LINGO2: variants seen among roughly 807,000 people sequenced by gnomAD.
LINGO2 encodes the protein leucine-rich repeat and immunoglobulin-like domain-containing nogo receptor-interacting protein 2.
Under a neutral mutation model 30.6 loss-of-function variants are expected in LINGO2, and 14 were observed. The observed-to-expected ratio is 0.46, with a 90% confidence interval of 0.30 to 0.72. The LOEUF (loss-of-function observed/expected upper bound fraction) is 0.72. Ranked by LOEUF, LINGO2 falls within the 30% of genes least tolerant of loss-of-function variation. The pLI, the probability that LINGO2 is intolerant of heterozygous loss-of-function variation, is 0.07. For missense variants in LINGO2, 729 were observed against 751.7 expected (o/e 0.97, Z 0.35); for synonymous variants, 317 against 288.5 (o/e 1.10, Z -1.00).
the LINGO2 span, among the ~76,000 whole-genome samples, chr9:28,959,157 T>C: frequency 6.6e-6 from 1 of 152,044 alleles, no homozygotes. Flanking sequence ...TGGTTTGTTG[T>C]ACAGGTTTTG....
At chr9:28,226,885 T>C (rs1051565391) in intron 4 of LINGO2, among the ~76,000 whole-genome samples, 3 of 152,074 alleles carry the variant, frequency 2.0e-5, no homozygotes, top group Non-Finnish European at 2.9e-5. Context: ...TAAAGTGCAA[T>C]TGACCTTAGT....
intron 1 of LINGO2, among the ~76,000 whole-genome samples, chr9:28,650,045 A>T (rs567883627): frequency 6.6e-6 from 1 of 152,106 alleles, no homozygotes; most frequent in East Asian, 1.9e-4. Flanking sequence ...GGAAAAAAAA[A>T]AACAACAACA....
At chr9:28,292,133 C>G (rs926568047) in intron 4 of LINGO2, among the ~76,000 whole-genome samples, 2 of 152,178 alleles carry the variant, frequency 1.3e-5, no homozygotes, top group South Asian at 4.1e-4. Flanking sequence ...TGTGGAAGCA[C>G]TTGTTTGGAT....
At chr9:28,895,990 C>A in the LINGO2 span, among the ~76,000 whole-genome samples, 2 of 151,948 alleles carry the variant, frequency 1.3e-5, no homozygotes, top group African/African-American at 2.4e-5. Flanking sequence ...AAAGCACTAC[C>A]AAAATCACAG....
At chr9:28,749,909 G>A in the LINGO2 span, among the ~76,000 whole-genome samples, 2 of 151,986 alleles carry the variant, frequency 1.3e-5, no homozygotes, top group African/African-American at 2.4e-5. Context: ...ATTGCTAAAA[G>A]GGCTCACATA....
intron 1 of LINGO2, among the ~76,000 whole-genome samples, chr9:28,493,869 G>C (rs886929741): frequency 7.2e-5 from 11 of 152,112 alleles, no homozygotes; most frequent in African/African-American, 2.7e-4. Flanking sequence ...CCTTTCTCCA[G>C]TGCTGGAAGC....
At chr9:28,418,574 G>C (rs1280270873) in intron 2 of LINGO2, among the ~76,000 whole-genome samples, 1 of 152,074 alleles carries the variant, frequency 6.6e-6, no homozygotes, top group Non-Finnish European at 1.5e-5. Flanking sequence ...ACCGTGCCCA[G>C]ACGGCAATTT....
At chr9:28,287,358 T>C (rs747383232) in intron 4 of LINGO2, among the ~76,000 whole-genome samples, 5 of 152,250 alleles carry the variant, frequency 3.3e-5, no homozygotes, top group Non-Finnish European at 7.3e-5. Flanking sequence ...TAGAGGATTA[T>C]ATCAAATAAA....
chr9:28,561,140 A>G (rs1338187518), intron 1 of LINGO2, among the ~76,000 whole-genome samples: 2 of 151,980 alleles, frequency 1.3e-5, no homozygotes, highest in Middle Eastern at 3.2e-3. Context: ...CAGTACCCTT[A>G]TGTTTTTGTA....
At chr9:29,052,957 T>C in the LINGO2 span, among the ~76,000 whole-genome samples, 1 of 152,162 alleles carries the variant, frequency 6.6e-6, no homozygotes, top group Non-Finnish European at 1.5e-5. Flanking sequence ...GCTTGTTTTT[T>C]TTGAAATCCA....
chr9:28,452,250 G>T (rs1278982305), intron 2 of LINGO2, among the ~76,000 whole-genome samples: 2 of 150,634 alleles, frequency 1.3e-5, no homozygotes, highest in Non-Finnish European at 3.0e-5. Context: ...TGAGTGCACA[G>T]TCCCTGATCT....
At chr9:28,928,448 TTGAACTG>T in the LINGO2 span, among the ~76,000 whole-genome samples, 5 of 152,158 alleles carry the variant, frequency 3.3e-5, no homozygotes, top group Non-Finnish European at 7.4e-5. Flanking sequence ...CAACATGAGT[TTGAACTG>T]TGTAGGTCCA....
At chr9:28,539,212 C>A (rs893175340) in intron 1 of LINGO2, among the ~76,000 whole-genome samples, 24 of 151,826 alleles carry the variant, frequency 1.6e-4, no homozygotes, top group African/African-American at 4.6e-4. Flanking sequence ...TTTAAGTAAA[C>A]TACATTATTT....
the LINGO2 span, among the ~76,000 whole-genome samples, chr9:29,166,232 T>A: frequency 6.6e-6 from 1 of 152,132 alleles, no homozygotes; most frequent in Non-Finnish European, 1.5e-5. Flanking sequence ...TCTCCTCTTC[T>A]CAAAAAATTC....
the LINGO2 span, among the ~76,000 whole-genome samples, chr9:28,962,629 A>C: frequency 1.6e-4 from 24 of 151,920 alleles, no homozygotes; most frequent in Non-Finnish European, 2.8e-4. Flanking sequence ...ATTAACTGTA[A>C]AAGTTAAAGG....
chr9:28,117,019 G>T (rs1826927383), intron 4 of LINGO2, among the ~76,000 whole-genome samples: 1 of 83,692 alleles, frequency 1.2e-5, no homozygotes, highest in East Asian at 3.9e-4. Flanking sequence ...TTTCTGTTCT[G>T]TTTTTTCCCC....
At chr9:28,295,638 C>G (rs1221802152) in intron 3 of LINGO2, among the ~76,000 whole-genome samples, 1 of 152,126 alleles carries the variant, frequency 6.6e-6, no homozygotes, top group Admixed American at 6.6e-5. Context: ...TATTAAAACT[C>G]ACACATCCTA....
intron 3 of LINGO2, among the ~76,000 whole-genome samples, chr9:28,306,779 C>T (rs1824378612): frequency 6.6e-6 from 1 of 152,056 alleles, no homozygotes; most frequent in Admixed American, 6.6e-5. Context: ...TACAAACTAC[C>T]ATCAGAGAAT....
intron 3 of LINGO2, among the ~76,000 whole-genome samples, chr9:28,332,457 T>C (rs796714247): frequency 2.6e-5 from 4 of 152,170 alleles, no homozygotes; most frequent in African/African-American, 9.6e-5. Context: ...GAAAAAGACA[T>C]GGTCTTAATA....
Sources: gnomAD v4.1 joint callset for allele counts (sites outside exome capture counted in the v4.1 genomes callset) on GRCh38, gnomAD v4.1.1 for gene constraint, MANE v1.5 for transcripts, NCBI Gene and HGNC (gene_info 2026-07-23, HGNC 2026-07-21) for gene names.